Variants in MEGF10 observed in about 807,000 individuals in gnomAD.
MEGF10 encodes the protein multiple EGF like domains 10.
Under a neutral mutation model 147.5 loss-of-function variants are expected in MEGF10, and 86 were observed. That is an observed-to-expected ratio of 0.58 (90% confidence interval 0.49 to 0.70). MEGF10 has a LOEUF of 0.70. MEGF10 is among the 30% of genes least tolerant of loss of function. The probability of loss-of-function intolerance (pLI) is 0.00; values close to 1 mark genes in which losing one functional copy is unlikely to be tolerated. For missense variants in MEGF10, 1,329 were observed against 1,487.3 expected, an observed-to-expected ratio of 0.89 and a Z score of 1.75; for synonymous variants, 478 against 525.5, an observed-to-expected ratio of 0.91 and a Z score of 1.24.
At chr5:127,371,403 C>G (rs1762847894) in intron 5 of MEGF10, among the ~76,000 whole-genome samples, 1 of 152,098 alleles carries the variant, frequency 6.6e-6, no homozygotes, top group East Asian at 1.9e-4. Flanking sequence ...GTCCATTTTT[C>G]TGGCCGACTG....
At chr5:127,446,059 G>C (rs1057493932) in intron 20 of MEGF10, among the ~76,000 whole-genome samples, 1 of 152,162 alleles carries the variant, frequency 6.6e-6, no homozygotes, top group Admixed American at 6.5e-5. Context: ...TTAGGGACCA[G>C]TTCTCCTGTC....
At chr5:127,328,678 A>G (rs1196062223) in intron 1 of MEGF10, among the ~76,000 whole-genome samples, 1 of 152,092 alleles carries the variant, frequency 6.6e-6, no homozygotes, top group East Asian at 1.9e-4. Context: ...AACATTTCTA[A>G]TTGGTAAATG....
At chr5:127,401,717 T>A (rs949022484) in intron 7 of MEGF10, among the ~76,000 whole-genome samples, 1 of 152,228 alleles carries the variant, frequency 6.6e-6, no homozygotes, top group Non-Finnish European at 1.5e-5. Flanking sequence ...GCCCAAGTGA[T>A]ACAGCCAAGT....
the MEGF10 span, among the ~76,000 whole-genome samples, chr5:127,247,945 A>G: frequency 5.3e-5 from 8 of 152,186 alleles, no homozygotes; most frequent in African/African-American, 1.9e-4. Flanking sequence ...TGGGCTTTAC[A>G]CGTCAGGTCG....
At chr5:127,351,030 G>T (rs918614886) in intron 4 of MEGF10, among the ~76,000 whole-genome samples, 7 of 151,890 alleles carry the variant, frequency 4.6e-5, no homozygotes, top group African/African-American at 1.7e-4. Flanking sequence ...GGAAAATGGG[G>T]ATGGTTAATG....
chr5:127,327,749 C>T (rs1761095872), intron 1 of MEGF10, among the ~76,000 whole-genome samples: 1 of 142,144 alleles, frequency 7.0e-6, no homozygotes, highest in Non-Finnish European at 1.5e-5. Context: ...AGTTTCACTC[C>T]TGTTGCCCAG....
intron 1 of MEGF10, among the ~76,000 whole-genome samples, chr5:127,311,255 G>C (rs534558620): frequency 6.6e-6 from 1 of 152,234 alleles, no homozygotes; most frequent in South Asian, 2.1e-4. Flanking sequence ...TACAGATATT[G>C]CTTAGTATAA....
At chr5:127,446,559 T>C (rs2127026843) in intron 20 of MEGF10, among the ~76,000 whole-genome samples, 1 of 152,284 alleles carries the variant, frequency 6.6e-6, no homozygotes, top group South Asian at 2.1e-4. Context: ...TGAACAAAAG[T>C]TCTCTGAAAA....
At chr5:127,439,566 T>C (rs1199764824) in intron 17 of MEGF10, among the ~76,000 whole-genome samples, 1 of 152,258 alleles carries the variant, frequency 6.6e-6, no homozygotes, top group Non-Finnish European at 1.5e-5. Context: ...TCAGAGTTCG[T>C]ATATCTATAA....
the MEGF10 span, among the ~76,000 whole-genome samples, chr5:127,265,264 G>A: frequency 1.3e-5 from 2 of 151,856 alleles, no homozygotes; most frequent in East Asian, 3.9e-4. Flanking sequence ...TTTTTTTCTG[G>A]CTGCATAGTA....
chr5:127,301,676 T>G (rs1253252626), intron 1 of MEGF10, among the ~76,000 whole-genome samples: 1 of 152,222 alleles, frequency 6.6e-6, no homozygotes. Flanking sequence ...GGCAGGCTAC[T>G]CAAGCTCTCT....
At chr5:127,428,127 C>A (rs1765266535) in intron 13 of MEGF10, among the ~76,000 whole-genome samples, 1 of 148,416 alleles carries the variant, frequency 6.7e-6, no homozygotes, top group Non-Finnish European at 1.5e-5. Context: ...CTGAGGCAGG[C>A]CATGGTGTCT....
At chr5:127,308,949 G>A (rs527748926) in intron 1 of MEGF10, among the ~76,000 whole-genome samples, 1 of 152,192 alleles carries the variant, frequency 6.6e-6, no homozygotes, top group East Asian at 1.9e-4. Flanking sequence ...CTCTATTTTG[G>A]TTTCTGTGTA....
intron 24 of MEGF10, among the ~76,000 whole-genome samples, chr5:127,455,828 C>T (rs946491416): frequency 6.6e-6 from 1 of 151,980 alleles, no homozygotes; most frequent in Admixed American, 6.6e-5. Context: ...CAACCTCTAC[C>T]TCCCGGGCTC....
chr5:127,273,183 C>T, the MEGF10 span, among the ~76,000 whole-genome samples: 1 of 152,218 alleles, frequency 6.6e-6, no homozygotes, highest in Non-Finnish European at 1.5e-5. Context: ...ACCCTGATGG[C>T]ATGGGCTCAC....
chr5:127,321,845 C>T (rs1478124828), intron 1 of MEGF10, among the ~76,000 whole-genome samples: 2 of 152,110 alleles, frequency 1.3e-5, no homozygotes, highest in East Asian at 3.9e-4. Context: ...CCTCCCCCTA[C>T]CATGGGAAGG....
intron 1 of MEGF10, among the ~76,000 whole-genome samples, chr5:127,308,547 G>A (rs1760116431): frequency 6.6e-6 from 1 of 152,142 alleles, no homozygotes; most frequent in Non-Finnish European, 1.5e-5. Flanking sequence ...AAAATGATGA[G>A]TTCATGTCTT....
intron 1 of MEGF10, among the ~76,000 whole-genome samples, chr5:127,319,409 T>G (rs1760706460): frequency 6.6e-6 from 1 of 152,174 alleles, no homozygotes; most frequent in Non-Finnish European, 1.5e-5. Flanking sequence ...TTTTCTTTTC[T>G]TAAAATATTT....
chr5:127,370,454 A>G (rs1387366696), intron 5 of MEGF10, among the ~76,000 whole-genome samples: 1 of 152,154 alleles, frequency 6.6e-6, no homozygotes, highest in Non-Finnish European at 1.5e-5. Flanking sequence ...ACACTAACAT[A>G]TCTTTTTGTC....
Sources: gnomAD v4.1 joint callset for allele counts (sites outside exome capture counted in the v4.1 genomes callset) on GRCh38, gnomAD v4.1.1 for gene constraint, MANE v1.5 for transcripts, NCBI Gene and HGNC (gene_info 2026-07-23, HGNC 2026-07-21) for gene names.